Variants in TRIP11 observed in about 807,000 individuals in gnomAD.
The protein encoded by TRIP11 is thyroid receptor-interacting protein 11.
In TRIP11, 148 loss-of-function variants were observed where a neutral mutation model predicts 223.1. The ratio of observed to expected loss-of-function variants is 0.66; its 90% CI spans 0.58 to 0.76. TRIP11 has a LOEUF of 0.76. TRIP11 is among the 30% of genes least tolerant of loss of function. TRIP11 has a pLI of 0.00. For synonymous variants in TRIP11, 762 were observed against 772.6 expected, an observed-to-expected ratio of 0.99 and a Z score of 0.23; for missense variants, 2,043 against 2,222.0, an observed-to-expected ratio of 0.92 and a Z score of 1.62.
chr14:92,019,776 A>G (rs187043713), intron 4 of TRIP11, among the ~76,000 whole-genome samples: 1 of 152,360 alleles, frequency 6.6e-6, no homozygotes, highest in African/African-American at 2.4e-5. Context: ...ACATGATGCC[A>G]CAAGTGGAAA....
At chr14:92,017,847 A>T in intron 4 of TRIP11, 97 bp from the exon 5 acceptor site, 2 of 1,105,946 alleles carry the variant, frequency 1.8e-6, no homozygotes, top group Non-Finnish European at 1.3e-6. Context: ...TTTTGTAAAA[A>T]GGGGGATTTT....
intron 1 of TRIP11, among the ~76,000 whole-genome samples, chr14:92,036,622 C>T (rs2057328220): frequency 6.6e-6 from 1 of 152,192 alleles, no homozygotes; most frequent in Admixed American, 6.5e-5. Flanking sequence ...ATATGGATGG[C>T]TTTCAAGTTG....
chr14:92,011,912 G>A, intron 7 of TRIP11, 117 bp from the exon 8 acceptor site: 1 of 848,290 alleles, frequency 1.2e-6, no homozygotes, highest in Non-Finnish European at 1.9e-6. Context: ...CTGGCAAGCA[G>A]TAACAGTTCT....
Position 92,039,754 on chromosome 14 carries a change from C to G in TRIP11, c.-69G>C. 6.4e-7 allele frequency: 1 copy of G among 1,561,972 alleles called. No individual in the cohort carries two copies. Among genetic ancestry groups the G allele is most frequent in the Non-Finnish European group, 8.7e-7 (1 of 1,152,826 alleles). ...AAACGTTTAGCGCCGCCGGGCGATC[C>G]GACCAAATATCCTTGAACGCCTGCC... On this transcript the variant is annotated 5_prime_UTR_variant, in exon 1 of 21. Transcript: ENST00000267622.
Position 92,020,339 on chromosome 14 carries a change from T to A in TRIP11, c.588+1217A>T, listed in dbSNP as rs186213756. Among the ~76,000 whole-genome samples the A allele has an allele frequency of 1.3e-3, 204 of 151,916 alleles. 1 individual carries two copies. The highest frequency in any genetic ancestry group is 4.8e-3 in the African/African-American group (197 of 41,452). ...AGTCTCAAGCATTTCGGATAAGAGA[T>A]ATTCATCCTGTATAAAATCTGATAT... On this transcript the variant is annotated intron_variant, in intron 4 of 20. Transcript: ENST00000267622.
intron 16 of TRIP11, among the ~76,000 whole-genome samples, chr14:91,983,323 GAAGT>G (rs2056566814): frequency 1.3e-5 from 2 of 152,136 alleles, no homozygotes; most frequent in South Asian, 2.1e-4. Context: ...GAATATTTGA[GAAGT>G]AAGTCAAATA....
chr14:91,995,294 G>C (rs1655950596), intron 14 of TRIP11, 58 bp downstream of exon 14: 2 of 1,604,516 alleles, frequency 1.2e-6, no homozygotes, highest in African/African-American at 1.3e-5. Context: ...TCTCAAATTA[G>C]GCAAAATTAC....
In TRIP11 at chr14:91,974,635, C is replaced by T. The variant is rs1303998008; in HGVS notation, c.5566G>A (p.Val1856Ile). The T allele has an allele frequency of 7.4e-6, 12 of 1,611,242 alleles. No homozygotes were observed. Among genetic ancestry groups the T allele is most frequent in the Admixed American group, 1.7e-5 (1 of 60,004 alleles). ...ATAAAATTGTTTCTTACACTATTAA[C>T]CACAGATTGCTGATTTGGTCTCAAA... ...TPLRPNQQSV[V>I]NSSFSELFVK... is the part of the protein sequence containing the mutation. Residue 1856 changes from valine to isoleucine, a missense_variant, in exon 19 of 21, where the codon GTT (valine) becomes ATT (isoleucine). Transcript: ENST00000267622.
At chr14:91,983,125 TCCATGCTA>T (rs1236071178) in intron 16 of TRIP11, among the ~76,000 whole-genome samples, 23 of 152,202 alleles carry the variant, frequency 1.5e-4, no homozygotes, top group Non-Finnish European at 5.9e-5. Flanking sequence ...TGTCTACCCT[TCCATGCTA>T]CCAACACCAA....
chr14:92,009,231 A>G, intron 9 of TRIP11, among the ~76,000 whole-genome samples: 1 of 152,172 alleles, frequency 6.6e-6, no homozygotes, highest in East Asian at 1.9e-4. Context: ...ATGGTGTCTC[A>G]CTATGTTGCC....
At chr14:91,993,228 G>C (rs180874304) in intron 15 of TRIP11, among the ~76,000 whole-genome samples, 656 of 152,038 alleles carry the variant, frequency 4.3e-3, no homozygotes, top group Non-Finnish European at 7.1e-3. Context: ...TGTAATCCCA[G>C]CACTTTGGGA....
chr14:92,021,435 C>A, intron 4 of TRIP11, 121 bp downstream of exon 4: 5 of 884,064 alleles, frequency 5.7e-6, no homozygotes, highest in Non-Finnish European at 8.7e-6. Flanking sequence ...AATTAGAATA[C>A]ACCTTTTCTA....
intron 8 of TRIP11, 52 bp from the exon 9 acceptor site, chr14:92,011,124 TA>T (rs1555387174): frequency 6.5e-7 from 1 of 1,537,128 alleles, no homozygotes; most frequent in Non-Finnish European, 9.0e-7. Context: ...TTCCAGTTTA[TA>T]AAAAAGCTGG....
chr14:92,027,352 G>T (rs561888283), intron 2 of TRIP11, among the ~76,000 whole-genome samples: 1 of 151,918 alleles, frequency 6.6e-6, no homozygotes, highest in Non-Finnish European at 1.5e-5. Context: ...ATCTTATTCC[G>T]AGCATTCCAA....
At chr14:92,021,458 G>C (rs1595402804) in intron 4 of TRIP11, 98 bp downstream of exon 4, 1 of 1,190,836 alleles carries the variant, frequency 8.4e-7, no homozygotes, top group Non-Finnish European at 1.2e-6. Context: ...TCCTAGTCCA[G>C]GGTTCTTTCT....
At chr14:92,035,006 T>G (rs764043953) in intron 1 of TRIP11, among the ~76,000 whole-genome samples, 8 of 151,882 alleles carry the variant, frequency 5.3e-5, no homozygotes, top group Non-Finnish European at 8.8e-5. Flanking sequence ...ACTAATGCTG[T>G]TAGAAAATCA....
intron 14 of TRIP11, 57 bp downstream of exon 14, chr14:91,995,295 G>A: frequency 6.2e-7 from 1 of 1,604,834 alleles, no homozygotes; most frequent in Non-Finnish European, 8.5e-7. Flanking sequence ...CTCAAATTAG[G>A]CAAAATTACC....
At position 92,039,867 on chromosome 14, in the gene TRIP11, G is replaced by A; in HGVS notation, c.-182C>T. ...GCCTAGAAACGCAGAGGCCTGGCCT[G>A]GAATTTTACCAGGGGCCCGCCTCTA... On this transcript the variant is annotated 5_prime_UTR_variant, in exon 1 of 21. It introduces an in-frame stop codon into an upstream open reading frame of the 5' UTR. Coordinates refer to ENST00000267622, the MANE Select transcript of TRIP11 (RefSeq NM_004239.4). 7.7e-7 allele frequency: 1 copy of A among 1,305,924 alleles called. No homozygotes were observed. The highest frequency in any genetic ancestry group is 1.0e-6 in the Non-Finnish European group (1 of 960,206). The allele number at this position is 1,305,924 out of a possible 1,614,324, so 80.9% of individuals were successfully genotyped here.
Position 91,993,868 on chromosome 14 carries a change from G to A in TRIP11, c.5101C>T (p.Leu1701Phe). Reference sequence around the variant, plus strand: ...GCGTTTTTCTTCCATTCAGCTATAAGCTGTTTTTGCTTTTCGAGTTCAGCA... The same window carrying A: ...GCGTTTTTCTTCCATTCAGCTATAAACTGTTTTTGCTTTTCGAGTTCAGCA... The part of the protein sequence containing the change: ...YSAELEKQKQ[L>F]IAEWKKNAEN... The change falls in exon 15 of 21, where the codon CTT (leucine) becomes TTT (phenylalanine). Residue 1701 changes from leucine to phenylalanine, a missense_variant. Leu to Phe is a conservative substitution (Grantham distance 22, BLOSUM62 0). Transcript: ENST00000267622. 2 of 1,613,610 alleles carry A rather than the reference G, an allele frequency of 1.2e-6. No individual in the cohort carries two copies. Among genetic ancestry groups the A allele is most frequent in the South Asian group, 1.1e-5 (1 of 91,072 alleles).
Sources: allele counts gnomAD v4.1 joint callset (sites outside exome capture counted in the v4.1 genomes callset), GRCh38; gene constraint gnomAD v4.1.1; transcripts MANE v1.5; gene names NCBI Gene and HGNC (gene_info 2026-07-23, HGNC 2026-07-21).